The following PLCB1 variants were observed in gnomAD, a reference collection of about 807,000 sequenced individuals.
PLCB1 encodes phospholipase C beta 1.
Under a neutral mutation model 161.8 loss-of-function variants are expected in PLCB1, and 46 were observed. That is an observed-to-expected ratio of 0.28 (90% CI 0.22 to 0.36). PLCB1 has a LOEUF of 0.36. PLCB1 is among the 10% of genes least tolerant of loss of function. The probability of loss-of-function intolerance (pLI) is 1.00; values close to 1 mark genes in which losing one functional copy is unlikely to be tolerated. For synonymous variants in PLCB1, 517 were observed against 503.7 expected, an observed-to-expected ratio of 1.03 and a Z score of -0.35; for missense variants, 1,016 against 1,472.5, an observed-to-expected ratio of 0.69 and a Z score of 5.07.
intron 3 of PLCB1, among the ~76,000 whole-genome samples, chr20:8,489,730 A>G (rs1368589476): frequency 1.3e-5 from 2 of 152,220 alleles, no homozygotes; most frequent in Non-Finnish European, 2.9e-5. Context: ...CAACTATAGT[A>G]CCAGCATTAT....
chr20:8,341,864 T>G (rs903457074), intron 2 of PLCB1, among the ~76,000 whole-genome samples: 14 of 152,328 alleles, frequency 9.2e-5, no homozygotes, highest in Non-Finnish European at 1.9e-4. Flanking sequence ...ACTATCATCA[T>G]TTTTTGTATG....
intron 4 of PLCB1, among the ~76,000 whole-genome samples, chr20:8,633,320 GT>G (rs1988658980): frequency 6.6e-6 from 1 of 152,142 alleles, no homozygotes. Flanking sequence ...TTGTTTAGAA[GT>G]ATATAGCAGA....
intron 22 of PLCB1, among the ~76,000 whole-genome samples, chr20:8,740,797 G>T (rs947797578): frequency 6.6e-6 from 1 of 152,104 alleles, no homozygotes; most frequent in Admixed American, 6.6e-5. Context: ...TTAGAATGCT[G>T]ATTCTTTTCA....
chr20:8,221,694 T>C (rs1020270218), intron 2 of PLCB1, among the ~76,000 whole-genome samples: 5 of 152,084 alleles, frequency 3.3e-5, no homozygotes, highest in Admixed American at 1.3e-4. Flanking sequence ...AGGTTTAAAA[T>C]CTCAAATAGC....
chr20:8,298,047 A>G (rs906130397), intron 2 of PLCB1, among the ~76,000 whole-genome samples: 7 of 51,550 alleles, frequency 1.4e-4, no homozygotes, highest in East Asian at 5.9e-4. Context: ...TGTAATCCCA[A>G]CACTCTGGGA....
At chr20:8,321,301 T>G (rs1259825196) in intron 2 of PLCB1, among the ~76,000 whole-genome samples, 1 of 152,202 alleles carries the variant, frequency 6.6e-6, no homozygotes, top group Non-Finnish European at 1.5e-5. Flanking sequence ...AAATAGATTT[T>G]AAACCAGGCA....
chr20:8,684,137 G>A (rs553828164), intron 9 of PLCB1, among the ~76,000 whole-genome samples: 63 of 151,952 alleles, frequency 4.1e-4, no homozygotes, highest in African/African-American at 1.3e-3. Flanking sequence ...GCCCACCTTG[G>A]CCTCCCAAAG....
At chr20:8,592,603 C>G (rs7263133) in intron 3 of PLCB1, among the ~76,000 whole-genome samples, 23,027 of 152,076 alleles carry the variant, frequency 0.15, 1,770 homozygotes, top group Middle Eastern at 0.22. Context: ...TTTTTTTCCC[C>G]TTGGAGAAGC....
At chr20:8,206,148 A>G (rs1426820769) in intron 2 of PLCB1, among the ~76,000 whole-genome samples, 2 of 152,196 alleles carry the variant, frequency 1.3e-5, no homozygotes, top group African/African-American at 2.4e-5. Flanking sequence ...GAAGAGAATG[A>G]GAAAATAACA....
intron 23 of PLCB1, 118 bp from the exon 24 acceptor site, chr20:8,756,928 G>T: frequency 1.1e-6 from 1 of 945,058 alleles, no homozygotes; most frequent in South Asian, 1.9e-5. Context: ...TATCAAATTT[G>T]ATATTTCCAA....
chr20:8,334,482 T>G (rs1030611267), intron 2 of PLCB1, among the ~76,000 whole-genome samples: 2 of 152,242 alleles, frequency 1.3e-5, no homozygotes, highest in Admixed American at 6.5e-5. Context: ...AAATAACTTG[T>G]TAACAAGATT....
At chr20:8,852,811 C>T (rs1890226563) in intron 31 of PLCB1, among the ~76,000 whole-genome samples, 1 of 152,218 alleles carries the variant, frequency 6.6e-6, no homozygotes, top group African/African-American at 2.4e-5. Flanking sequence ...ATGCTAGATC[C>T]TACAGGTAAC....
At chr20:8,824,401 CT>C (rs1985586323) in intron 31 of PLCB1, among the ~76,000 whole-genome samples, 1 of 134,330 alleles carries the variant, frequency 7.4e-6, no homozygotes, top group Non-Finnish European at 1.7e-5. Flanking sequence ...TGGCTGCATG[CT>C]TTCTCTGTCT....
At chr20:8,643,108 T>G (rs1285634801) in intron 4 of PLCB1, among the ~76,000 whole-genome samples, 1 of 152,236 alleles carries the variant, frequency 6.6e-6, no homozygotes, top group Non-Finnish European at 1.5e-5. Flanking sequence ...TACTGTCTTT[T>G]TAAGTCCTCC....
intron 3 of PLCB1, among the ~76,000 whole-genome samples, chr20:8,446,981 G>C (rs1178239916): frequency 6.6e-6 from 1 of 152,036 alleles, no homozygotes; most frequent in Non-Finnish European, 1.5e-5. Context: ...TCGGTGATCT[G>C]GAATTCTAGA....
At chr20:8,681,086 G>GTGTGTGTATATATATATATA (rs1394518085) in intron 9 of PLCB1, among the ~76,000 whole-genome samples, 2 of 73,854 alleles carry the variant, frequency 2.7e-5, no homozygotes, top group East Asian at 4.2e-4. Context: ...ATGTGTGTGT[G>GTGTGTGTATATATATATATA]TATATATATA....
intron 2 of PLCB1, among the ~76,000 whole-genome samples, chr20:8,224,689 CA>C (rs1313623703): frequency 6.6e-6 from 1 of 152,056 alleles, no homozygotes; most frequent in Non-Finnish European, 1.5e-5. Flanking sequence ...ATAATTTTCA[CA>C]AACTGAACAA....
At chr20:8,222,615 T>G (rs999739442) in intron 2 of PLCB1, among the ~76,000 whole-genome samples, 7 of 152,164 alleles carry the variant, frequency 4.6e-5, no homozygotes, top group Non-Finnish European at 8.8e-5. Context: ...AATTCATGTC[T>G]TTCACCAAAT....
intron 2 of PLCB1, among the ~76,000 whole-genome samples, chr20:8,246,638 G>A (rs1265747359): frequency 6.6e-6 from 1 of 151,912 alleles, no homozygotes; most frequent in Non-Finnish European, 1.5e-5. Context: ...TTCAGTGTAG[G>A]AAGCAAAGCA....
Sources: gnomAD v4.1 joint callset for allele counts (sites outside exome capture counted in the v4.1 genomes callset) on GRCh38, gnomAD v4.1.1 for gene constraint, MANE v1.5 for transcripts, NCBI Gene and HGNC (gene_info 2026-07-23, HGNC 2026-07-21) for gene names.